Variants in LARS1 observed in about 807,000 individuals in gnomAD.
LARS1 encodes the protein leucine--tRNA ligase, cytoplasmic.
Under a neutral mutation model 162.8 loss-of-function variants are expected in LARS1, and 100 were observed. The ratio of observed to expected loss-of-function variants is 0.61; its 90% CI spans 0.52 to 0.73. The LOEUF (loss-of-function observed/expected upper bound fraction) is 0.73. Among genes scored for constraint, LARS1 ranks in the 30% least tolerant of loss-of-function variants. LARS1 has a pLI of 0.00. For synonymous variants in LARS1, 457 were observed against 462.8 expected, an observed-to-expected ratio of 0.99 and a Z score of 0.16; for missense variants, 1,258 against 1,408.9, an observed-to-expected ratio of 0.89 and a Z score of 1.71.
chr5:146,123,658 TA>T (rs1437239902), intron 29 of LARS1, among the ~76,000 whole-genome samples: 1 of 151,756 alleles, frequency 6.6e-6, no homozygotes, highest in African/African-American at 2.4e-5. Context: ...GAGTACTCCA[TA>T]ACATGAGAGG....
At chr5:146,140,844 C>CACACATATATAT (rs1263355958) in intron 20 of LARS1, among the ~76,000 whole-genome samples, 4 of 152,036 alleles carry the variant, frequency 2.6e-5, no homozygotes, top group Non-Finnish European at 4.4e-5. Context: ...TATAAATATA[C>CACACATATATAT]ACACATATAT....
In LARS1 at chr5:146,168,138, T is replaced by A; in HGVS notation, c.422A>T (p.Lys141Ile). 6.2e-7 allele frequency: 1 copy of A among 1,601,486 alleles called. No individual in the cohort carries two copies. Among genetic ancestry groups the A allele is most frequent in the Non-Finnish European group, 8.5e-7 (1 of 1,173,124 alleles). ...CAACCACTATCAAACCTTTTTTCCT[T>A]TAGCTTTATCCTTAATTATTATATC... ...TEDIIIKDKA[K>I]GKKSKAAAKA... Residue 141 changes from lysine to isoleucine, a missense_variant, in exon 5 of 32, where the codon AAA (lysine) becomes ATA (isoleucine). Transcript: ENST00000394434.
chr5:146,178,590 G>A (rs1372903472), intron 1 of LARS1, among the ~76,000 whole-genome samples: 1 of 151,226 alleles, frequency 6.6e-6, no homozygotes, highest in East Asian at 1.9e-4. Context: ...CTCCAGCCTG[G>A]GCAACAAGAG....
chr5:146,164,237 C>T, intron 6 of LARS1, 73 bp downstream of exon 6: 1 of 1,442,932 alleles, frequency 6.9e-7, no homozygotes, highest in South Asian at 1.2e-5. Flanking sequence ...GTCTGGAAAG[C>T]ACAATAAAGC....
chr5:146,149,298 G>A (rs897541574), intron 15 of LARS1, among the ~76,000 whole-genome samples: 6 of 152,100 alleles, frequency 3.9e-5, no homozygotes, highest in Non-Finnish European at 8.8e-5. Flanking sequence ...TAACAGAAAC[G>A]GAGGGATGAG....
At position 146,144,684 on chromosome 5, in the gene LARS1, G is replaced by A; in HGVS notation, c.1529C>T (p.Pro510Leu). The A allele has an allele frequency of 6.2e-7, 1 of 1,613,632 alleles. No homozygotes were observed. The highest frequency in any genetic ancestry group is 2.2e-5 in the East Asian group (1 of 44,878). ...DAGDALIYMEPEKQVMSRSSD... is the reference protein window; with the variant it reads ...DAGDALIYMELEKQVMSRSSD... ...CGACCTGGACATCACTTGTTTCTCTGGTTCCATGTAAATAAGTGCATCTCC... is the reference window on the plus strand; with the variant it reads ...CGACCTGGACATCACTTGTTTCTCTAGTTCCATGTAAATAAGTGCATCTCC... The change falls in exon 16 of 32, where the codon CCA becomes CTA. Residue 510 changes from proline (P) to leucine (L), a missense_variant. By Grantham distance (98) the Pro-to-Leu change is moderately conservative (BLOSUM62 -3). Coordinates refer to ENST00000394434, the MANE Select transcript of LARS1 (RefSeq NM_020117.11).
At chr5:146,144,378 C>A (rs1307950123) in intron 17 of LARS1, 29 bp from the exon 18 acceptor site, 16 of 1,600,914 alleles carry the variant, frequency 1.0e-5, no homozygotes, top group East Asian at 2.2e-5. Context: ...CAAAGTGTAT[C>A]TTTACTGGTT....
At chr5:146,146,189 A>G (rs1307184421) in intron 15 of LARS1, among the ~76,000 whole-genome samples, 2 of 152,060 alleles carry the variant, frequency 1.3e-5, no homozygotes, top group African/African-American at 4.8e-5. Context: ...AAAAATACAA[A>G]ATTAGCTGGG....
chr5:146,135,469 A>C (rs1752462899), intron 22 of LARS1, 132 bp downstream of exon 22: 1 of 638,462 alleles, frequency 1.6e-6, no homozygotes, highest in African/African-American at 1.9e-5. Context: ...TCATCCACAA[A>C]GGAAACATTA....
intron 20 of LARS1, 165 bp downstream of exon 20, chr5:146,142,707 G>C (rs1338931673): frequency 1.7e-6 from 1 of 571,774 alleles, no homozygotes; most frequent in Non-Finnish European, 3.0e-6. Context: ...GGATGTAAGA[G>C]ATAGGAGGTG....
chr5:146,156,352 G>T (rs1753526463), intron 10 of LARS1, among the ~76,000 whole-genome samples: 1 of 152,128 alleles, frequency 6.6e-6, no homozygotes, highest in African/African-American at 2.4e-5. Flanking sequence ...AGATACCAAA[G>T]ATCAGCATTC....
intron 1 of LARS1, among the ~76,000 whole-genome samples, chr5:146,179,072 A>T (rs1754719890): frequency 6.6e-6 from 1 of 152,150 alleles, no homozygotes; most frequent in South Asian, 2.1e-4. Flanking sequence ...TTTCTACTAA[A>T]AATACAAAAA....
intron 13 of LARS1, 59 bp from the exon 14 acceptor site, chr5:146,152,061 G>A (rs1753318287): frequency 1.3e-6 from 2 of 1,588,808 alleles, no homozygotes; most frequent in East Asian, 2.2e-5. Flanking sequence ...GCTCTGTAGG[G>A]CACAAGTCCT....
rs143961946 is a variant in LARS1 at position 146,124,344 on chromosome 5, T to A, written c.2992-258A>T. ...GATGGGAAGGCACAAGGTTTTCAGA[T>A]TTATAAAATAAATACGGTTTTATGA... On this transcript the variant is annotated intron_variant, in intron 28 of 31. Transcript: ENST00000394434. Among the ~76,000 whole-genome samples, 40 of 151,994 alleles carry A rather than the reference T, an allele frequency of 2.6e-4. 4 individuals carry two copies. In the East Asian group the frequency reaches 7.7e-3, roughly 29 times the overall value.
intron 2 of LARS1, among the ~76,000 whole-genome samples, chr5:146,175,410 G>C (rs1475833402): frequency 6.6e-6 from 1 of 151,812 alleles, no homozygotes; most frequent in Non-Finnish European, 1.5e-5. Flanking sequence ...AGGCGTGGTG[G>C]CATGCACCTG....
chr5:146,153,673 A>AT, intron 12 of LARS1, 61 bp downstream of exon 12: 2 of 1,323,214 alleles, frequency 1.5e-6, no homozygotes, highest in Non-Finnish European at 2.2e-6. Context: ...AGCGTAGTTC[A>AT]GCAGCACCTA....
chr5:146,178,430 G>A (rs13161036), intron 1 of LARS1, among the ~76,000 whole-genome samples: 33,850 of 151,462 alleles, frequency 0.22, 4,835 homozygotes, highest in Admixed American at 0.34. Flanking sequence ...CCTGGCCAAC[G>A]TGGTGAAACC....
At chr5:146,153,097 T>A in intron 13 of LARS1, 77 bp downstream of exon 13, 1 of 1,178,336 alleles carries the variant, frequency 8.5e-7, no homozygotes, top group Non-Finnish European at 1.2e-6. Context: ...AATTTTGTTA[T>A]AAGGAAAACA....
intron 13 of LARS1, 79 bp from the exon 14 acceptor site, chr5:146,152,081 A>C (rs992677518): frequency 2.0e-6 from 3 of 1,467,980 alleles, no homozygotes; most frequent in Middle Eastern, 1.7e-4. Context: ...TTTTGCCTCT[A>C]ATGTCCAATT....
Sources: gnomAD v4.1 joint callset for allele counts (sites outside exome capture counted in the v4.1 genomes callset) on GRCh38, gnomAD v4.1.1 for gene constraint, MANE v1.5 for transcripts, NCBI Gene and HGNC (gene_info 2026-07-23, HGNC 2026-07-21) for gene names.